TLN2: variants seen among roughly 807,000 people sequenced by gnomAD.
TLN2 encodes the protein talin 2.
A neutral mutation model predicts 294.7 loss-of-function variants in TLN2; 118 were observed. The ratio of observed to expected loss-of-function variants is 0.40; its 90% confidence interval spans 0.34 to 0.47. The LOEUF (loss-of-function observed/expected upper bound fraction) is 0.47. Among genes scored for constraint, TLN2 ranks in the 20% least tolerant of loss-of-function variants. The pLI, the probability that TLN2 is intolerant of heterozygous loss-of-function variation, is 0.84. For synonymous variants in TLN2, 1,431 were observed against 1,304.5 expected (o/e 1.10, Z -2.09); for missense variants, 3,083 against 3,282.2 (o/e 0.94, Z 1.48).
intron 50 of TLN2, among the ~76,000 whole-genome samples, chr15:62,805,318 T>C (rs2066202374): frequency 6.6e-6 from 1 of 152,120 alleles, no homozygotes; most frequent in African/African-American, 2.4e-5. Flanking sequence ...GTGTAAATAT[T>C]GGGTGTCAGT....
chr15:62,749,794 G>A (rs1313720617), intron 33 of TLN2, among the ~76,000 whole-genome samples: 1 of 152,200 alleles, frequency 6.6e-6, no homozygotes, highest in African/African-American at 2.4e-5. Flanking sequence ...GCTAGCCATG[G>A]TTTTTGGTGG....
chr15:62,819,764 C>A, intron 53 of TLN2, 143 bp downstream of exon 53: 1 of 657,348 alleles, frequency 1.5e-6, no homozygotes, highest in Non-Finnish European at 2.6e-6. Context: ...TTTCTGCAAG[C>A]AAATGGGTTT....
At chr15:62,649,223 T>C (rs2052298176) in intron 4 of TLN2, among the ~76,000 whole-genome samples, 1 of 152,190 alleles carries the variant, frequency 6.6e-6, no homozygotes, top group Admixed American at 6.5e-5. Context: ...AACTTTACTA[T>C]TTGGTTGTCC....
chr15:62,614,507 T>G (rs1393640303), intron 2 of TLN2, among the ~76,000 whole-genome samples: 1 of 152,128 alleles, frequency 6.6e-6, no homozygotes, highest in African/African-American at 2.4e-5. Context: ...AATTATAGTT[T>G]TCTCACTCTT....
intron 9 of TLN2, among the ~76,000 whole-genome samples, chr15:62,670,621 T>C (rs1323233937): frequency 6.6e-6 from 1 of 152,248 alleles, no homozygotes. Flanking sequence ...CTTAGCACAG[T>C]GTTTCCATGT....
intron 2 of TLN2, among the ~76,000 whole-genome samples, chr15:62,616,110 T>G (rs2140839852): frequency 6.6e-6 from 1 of 152,346 alleles, no homozygotes; most frequent in South Asian, 2.1e-4. Context: ...TGTCATTTTC[T>G]GTAAAAATAT....
chr15:62,629,324 G>A (rs1053851123), intron 3 of TLN2, among the ~76,000 whole-genome samples: 2 of 152,244 alleles, frequency 1.3e-5, no homozygotes, highest in Admixed American at 6.5e-5. Context: ...GGCACATAAT[G>A]TGTGATCAGT....
chr15:62,462,635 G>T (rs996724871), intron 1 of TLN2, among the ~76,000 whole-genome samples: 1 of 152,202 alleles, frequency 6.6e-6, no homozygotes, highest in Non-Finnish European at 1.5e-5. Context: ...AGACAAGTGA[G>T]GTAGTGCTAT....
At chr15:62,753,948 C>A in intron 36 of TLN2, 32 bp downstream of exon 36, 1 of 1,519,282 alleles carries the variant, frequency 6.6e-7, no homozygotes, top group Non-Finnish European at 8.8e-7. Context: ...AGATTTCAAG[C>A]CCTTAAGCAG....
chr15:62,667,393 G>A (rs1006609490), intron 9 of TLN2, among the ~76,000 whole-genome samples: 11 of 152,136 alleles, frequency 7.2e-5, no homozygotes, highest in Admixed American at 7.2e-4. Flanking sequence ...AACACAGTTG[G>A]AGTCAGGATC....
chr15:62,702,720 A>T, intron 18 of TLN2, 46 bp from the exon 19 acceptor site: 1 of 1,572,010 alleles, frequency 6.4e-7, no homozygotes, highest in Non-Finnish European at 8.8e-7. Flanking sequence ...ATGGCACTGG[A>T]GGAAATGCGT....
chr15:62,546,346 G>A lies in TLN2; in HGVS notation c.-237-43341G>A, dbSNP rs192630583. 1.6e-3 allele frequency among the ~76,000 whole-genome samples: 247 copies of A among 152,330 alleles called. 2 individuals are homozygous for A. The highest frequency in any genetic ancestry group is 6.2e-4 in the South Asian group (3 of 4,826). ...CTGTGTTGGGTTCTTGGAGTGGATT[G>A]AAAAGTGCTGATAGAGATATTGTGA... On this transcript the variant is annotated intron_variant, in intron 1 of 58. Coordinates refer to ENST00000636159, the MANE Select transcript of TLN2 (RefSeq NM_015059.3).
intron 1 of TLN2, among the ~76,000 whole-genome samples, chr15:62,453,015 A>G (rs1187691355): frequency 1.3e-5 from 2 of 152,352 alleles, no homozygotes; most frequent in East Asian, 1.9e-4. Flanking sequence ...TCTATCATTT[A>G]TAGTATAAGT....
rs771543084 is a variant in TLN2 at position 62,717,618 on chromosome 15, G to A, written c.2806G>A (p.Ala936Thr). Reference sequence around the variant, plus strand: ...CGCAGCGGCAGCCACACAGACCATCGCCGCCTCCCAGAATGCAGCTGTTTC... The same window carrying A: ...CGCAGCGGCAGCCACACAGACCATCACCGCCTCCCAGAATGCAGCTGTTTC... ...QAAAAATQTI[A>T]ASQNAAVSNK... The change falls in exon 24 of 59, where the codon GCC (alanine) becomes ACC (threonine). Residue 936 changes from alanine to threonine, a missense_variant. Coordinates refer to ENST00000636159, the MANE Select transcript of TLN2 (RefSeq NM_015059.3). 4 of 1,602,850 alleles carry A rather than the reference G, an allele frequency of 2.5e-6. No individual in the cohort carries two copies. Among genetic ancestry groups the A allele is most frequent in the Non-Finnish European group, 3.4e-6 (4 of 1,175,428 alleles).
chr15:62,831,489 T>C (rs908447958), intron 54 of TLN2: 2 of 151,850 alleles, frequency 1.3e-5, no homozygotes, highest in Middle Eastern at 3.4e-3. Context: ...ATATTTAATA[T>C]ATATAAATTA....
intron 1 of TLN2, among the ~76,000 whole-genome samples, chr15:62,453,953 C>G (rs1414903591): frequency 6.6e-6 from 1 of 152,190 alleles, no homozygotes; most frequent in Non-Finnish European, 1.5e-5. Flanking sequence ...AGTTTTGCTG[C>G]TATTGTCCAC....
chr15:62,673,777 C>A, intron 9 of TLN2, 50 bp from the exon 10 acceptor site: 1 of 1,436,502 alleles, frequency 7.0e-7, no homozygotes, highest in Non-Finnish European at 9.7e-7. Flanking sequence ...CTTTGCTTCT[C>A]ATCATGGAAC....
At chr15:62,485,955 G>A (rs1252633302) in intron 1 of TLN2, among the ~76,000 whole-genome samples, 2 of 151,940 alleles carry the variant, frequency 1.3e-5, no homozygotes, top group African/African-American at 4.8e-5. Context: ...TGCAAATCGA[G>A]TGTTTTGAGC....
At chr15:62,748,317 CAA>C (rs74266534) in intron 32 of TLN2, 32 bp from the exon 33 acceptor site, 4,710 of 1,232,358 alleles carry the variant, frequency 3.8e-3, no homozygotes, top group Admixed American at 5.7e-3. Context: ...TGTTGATCTT[CAA>C]AAAAAAAAAA....
Sources: gnomAD v4.1 joint callset for allele counts (sites outside exome capture counted in the v4.1 genomes callset) on GRCh38, gnomAD v4.1.1 for gene constraint, MANE v1.5 for transcripts, NCBI Gene and HGNC (gene_info 2026-07-23, HGNC 2026-07-21) for gene names.